Variants in TLR4 observed in about 807,000 individuals in gnomAD.
TLR4 encodes toll-like receptor 4.
In TLR4, 17 loss-of-function variants were observed where a neutral mutation model predicts 27.4. The observed-to-expected ratio is 0.62, with a 90% confidence interval of 0.42 to 0.93. The LOEUF (loss-of-function observed/expected upper bound fraction) is 0.93, where lower values mean the gene tolerates loss of function less well. Among genes scored for constraint, TLR4 ranks in the 40% least tolerant of loss-of-function variants. The pLI is 0.00. For missense variants in TLR4, 926 were observed against 962.3 expected (o/e 0.96, Z 0.50); for synonymous variants, 363 against 365.7 (o/e 0.99, Z 0.08).
rs775051206 is a variant in TLR4 at position 117,714,476 on chromosome 9, T to C, written c.2348T>C (p.Val783Ala). The change falls in exon 3 of 3, where the codon GTG (valine) becomes GCG (alanine). Residue 783 changes from valine to alanine, a missense_variant. By Grantham distance (64) the Val-to-Ala change is moderately conservative. Transcript: ENST00000355622. ...KVEKTLLRQQ[V>A]ELYRLLSRNT... ...GAGAAGACCCTGCTCAGGCAGCAGG[T>C]GGAGCTGTACCGCCTTCTCAGCAGG... is the stretch of plus-strand genomic sequence containing the variant. 14 of 1,613,670 alleles carry C rather than the reference T, an allele frequency of 8.7e-6. 1 individual carries two copies. The highest frequency in any genetic ancestry group is 1.3e-5 in the African/African-American group (1 of 74,896).
chr9:117,705,688 G>T (rs572570623), intron 1 of TLR4, among the ~76,000 whole-genome samples: 2 of 152,224 alleles, frequency 1.3e-5, no homozygotes, highest in South Asian at 4.2e-4. Context: ...CACACTAACT[G>T]CTTTCCTGAT....
chr9:117,704,992 A>G (rs1829112913), intron 1 of TLR4, among the ~76,000 whole-genome samples: 2 of 152,156 alleles, frequency 1.3e-5, no homozygotes, highest in Admixed American at 1.3e-4. Flanking sequence ...GCTCCTTTCA[A>G]TCTCAGGAAA....
In TLR4 at chr9:117,713,335, T is replaced by A; in HGVS notation, c.1207T>A (p.Tyr403Asn). 6.2e-7 allele frequency: 1 copy of A among 1,614,050 alleles called. No individual in the cohort carries two copies. The highest frequency in any genetic ancestry group is 8.5e-7 in the Non-Finnish European group (1 of 1,180,002). ...TGATTTTGGGACAACCAGCCTAAAGTATTTAGATCTGAGCTTCAATGGTGT... is the reference window on the plus strand; with the variant it reads ...TGATTTTGGGACAACCAGCCTAAAGAATTTAGATCTGAGCTTCAATGGTGT... ...QSDFGTTSLK[Y>N]LDLSFNGVIT... Residue 403 changes from tyrosine (Y) to asparagine (N), a missense_variant, in exon 3 of 3, where the codon TAT (tyrosine) becomes AAT (asparagine). Tyr to Asn is a moderately radical substitution (Grantham distance 143). Transcript: ENST00000355622.
Position 117,714,179 on chromosome 9 carries a change from A to C in TLR4, c.2051A>C (p.Asp684Ala), listed in dbSNP as rs1829297821. Residue 684 changes from aspartate (D) to alanine (A), a missense_variant, in exon 3 of 3, where the codon GAT becomes GCT. Physicochemically the swap from Asp to Ala is moderately radical, Grantham distance 126 (BLOSUM62 -2). Coordinates refer to ENST00000355622, the MANE Select transcript of TLR4 (RefSeq NM_138554.5). ...YDAFVIYSSQ[D>A]EDWVRNELVK... Reference sequence around the variant, plus strand: ...GCCTTTGTTATCTACTCAAGCCAGGATGAGGACTGGGTAAGGAATGAGCTA... The same window carrying C: ...GCCTTTGTTATCTACTCAAGCCAGGCTGAGGACTGGGTAAGGAATGAGCTA... 1 of 1,613,748 alleles carries C rather than the reference A, an allele frequency of 6.2e-7. No homozygotes were observed. Among genetic ancestry groups the C allele is most frequent in the African/African-American group, 1.3e-5 (1 of 74,920 alleles).
At position 117,713,939 on chromosome 9, in the gene TLR4, T is replaced by C; in HGVS notation, c.1811T>C (p.Val604Ala). 11 of 1,614,010 alleles carry C rather than the reference T, an allele frequency of 6.8e-6. No individual in the cohort carries two copies. The East Asian group carries it at 8.9e-5, about 13-fold the overall frequency. Residue 604 changes from valine (V) to alanine (A), a missense_variant, in exon 3 of 3, where the codon GTT becomes GCT. Val to Ala is a moderately conservative substitution (Grantham distance 64). Transcript: ENST00000355622. ...GACCAGAGGCAGCTCTTGGTGGAAG[T>C]TGAACGAATGGAATGTGCAACACCT... The part of the protein sequence containing the change: ...IKDQRQLLVE[V>A]ERMECATPSD...
Position 117,713,185 on chromosome 9 carries a change from C to T in TLR4, c.1057C>T (p.Leu353Phe), listed in dbSNP as rs148638298. The T allele has an allele frequency of 1.9e-6, 3 of 1,614,036 alleles. No individual in the cohort carries two copies. The highest frequency in any genetic ancestry group is 1.3e-5 in the African/African-American group (1 of 75,034). The change falls in exon 3 of 3, where the codon CTC becomes TTC. Residue 353 changes from leucine (L) to phenylalanine (F), a missense_variant. Leu to Phe is a conservative substitution (Grantham distance 22). Transcript: ENST00000355622. ...GQFPTLKLKS[L>F]KRLTFTSNKG... is the part of the protein sequence containing the mutation. ...GTTTCCCACATTGAAACTCAAATCT[C>T]TCAAAAGGCTTACTTTCACTTCCAA...
chr9:117,714,361 C>T lies in TLR4; in HGVS notation c.2233C>T (p.Arg745Cys), dbSNP rs199632399. The change falls in exon 3 of 3, where the codon CGC (arginine) becomes TGC (cysteine). Residue 745 changes from arginine (R) to cysteine (C), a missense_variant. Physicochemically the swap from Arg to Cys is radical, Grantham distance 180. Transcript: ENST00000355622. The stretch of plus-strand genomic sequence containing the variant: ...GGTGTCCCAGCACTTCATCCAGAGC[C>T]GCTGGTGTATCTTTGAATATGAGAT... Reference protein sequence around the residue: ...VVVSQHFIQSRWCIFEYEIAQ... With the variant: ...VVVSQHFIQSCWCIFEYEIAQ... The T allele has an allele frequency of 1.0e-5, 16 of 1,602,164 alleles. No homozygotes were observed. Among genetic ancestry groups the T allele is most frequent in the Admixed American group, 8.4e-5 (5 of 59,810 alleles).
rs1829381700 is a variant in TLR4, at chr9:117,718,242, C to T, written c.*3594C>T. On this transcript the variant is annotated 3_prime_UTR_variant, in exon 3 of 3. Transcript: ENST00000355622. ...ACTCAAGGACACTTTCTTTCTTCCA[C>T]ACCCAATTGCTTCATGCTTAAAGTT... 1.3e-5 allele frequency: 2 copies of T among 152,124 alleles called. No homozygotes were observed. 9.4% of individuals were successfully genotyped at this position (152,124 alleles called of 1,614,324 possible).
chr9:117,707,366 C>T (rs1175317861), intron 1 of TLR4, among the ~76,000 whole-genome samples: 2 of 152,158 alleles, frequency 1.3e-5, no homozygotes, highest in African/African-American at 4.8e-5. Flanking sequence ...AAGTATATAA[C>T]AAACAAGAAC....
At position 117,713,604 on chromosome 9, in the gene TLR4, C is replaced by T; in HGVS notation, c.1476C>T (p.Phe492=). 1 of 1,614,100 alleles carries T rather than the reference C, an allele frequency of 6.2e-7. No individual in the cohort carries two copies. The stretch of plus-strand genomic sequence containing the variant: ...AGGAAAACTTCCTTCCAGATATCTT[C>T]ACAGAGCTGAGAAACTTGACCTTCC... The part of the protein sequence containing the change: ...SFQENFLPDI[F]TELRNLTFLD... The change falls in exon 3 of 3, where the codon TTC becomes TTT. Residue 492 remains phenylalanine (F), a synonymous_variant. Coordinates refer to ENST00000355622, the MANE Select transcript of TLR4 (RefSeq NM_138554.5).
rs528691203 is a variant in TLR4 at position 117,708,902 on chromosome 9, G to T, written c.260+173G>T. 46 of 770,036 alleles carry T rather than the reference G, an allele frequency of 6.0e-5. No homozygotes were observed. The East Asian group carries it at 1.1e-3, about 18-fold the overall frequency. 47.7% of individuals were successfully genotyped at this position (770,036 alleles called of 1,614,324 possible). On this transcript the variant is annotated intron_variant, in intron 2 of 2. Coordinates refer to ENST00000355622, the MANE Select transcript of TLR4 (RefSeq NM_138554.5). Reference sequence around the variant, plus strand: ...TGAGCAAGCTACCTCTATTCTCCAGGTCTCAGTTTTCTAATCTGTGAAGTA... The same window carrying T: ...TGAGCAAGCTACCTCTATTCTCCAGTTCTCAGTTTTCTAATCTGTGAAGTA...
At position 117,704,714 on chromosome 9, in the gene TLR4, T is replaced by C. The variant is rs936740431; in HGVS notation, c.93+149T>C. 1.0e-5 allele frequency: 8 copies of C among 773,552 alleles called. No individual in the cohort carries two copies. In the Middle Eastern group the frequency reaches 1.2e-3, roughly 116 times the overall value. The allele number at this position is 773,552 out of a possible 1,614,324, so 47.9% of individuals were successfully genotyped here. A position where few individuals can be genotyped will look rare whatever the true frequency, so the allele number is the denominator to read the frequency against. The stretch of plus-strand genomic sequence containing the variant: ...GAAGCCACAGAGATCAAATAATTCA[T>C]TGTTACAGGGCACTAGAGGCAGCCA... On this transcript the variant is annotated intron_variant, in intron 1 of 2. Transcript: ENST00000355622.
chr9:117,711,341 T>C (rs535293645), intron 2 of TLR4, among the ~76,000 whole-genome samples: 11 of 152,212 alleles, frequency 7.2e-5, no homozygotes, highest in Non-Finnish European at 1.2e-4. Flanking sequence ...TTGTACATTG[T>C]AACTGACAAG....
At chr9:117,708,459 G>C (rs1022153725) in intron 1 of TLR4, 104 bp from the exon 2 acceptor site, 64 of 1,598,384 alleles carry the variant, frequency 4.0e-5, no homozygotes, top group Non-Finnish European at 5.1e-5. Flanking sequence ...ACTGAATTTT[G>C]TGCTTGCACA....
chr9:117,710,336 T>TTGTA (rs1323027079), intron 2 of TLR4, among the ~76,000 whole-genome samples: 1 of 151,898 alleles, frequency 6.6e-6, no homozygotes, highest in Non-Finnish European at 1.5e-5. Flanking sequence ...TTCTGTTCCT[T>TTGTA]TGTTAATTTG....
In TLR4 at chr9:117,712,528, G is replaced by T. The variant is rs370421152; in HGVS notation, c.400G>T (p.Val134Leu). ...GLSSLQKLVAVETNLASLENF... is the reference protein window; with the variant it reads ...GLSSLQKLVALETNLASLENF... ...ATCAAGTTTACAGAAGCTGGTGGCT[G>T]TGGAGACAAATCTAGCATCTCTAGA... Residue 134 changes from valine to leucine, a missense_variant, in exon 3 of 3, where the codon GTG (valine) becomes TTG (leucine). Physicochemically the swap from Val to Leu is conservative, Grantham distance 32. Transcript: ENST00000355622. 1 of 1,613,982 alleles carries T rather than the reference G, an allele frequency of 6.2e-7. No individual in the cohort carries two copies. The highest frequency in any genetic ancestry group is 8.5e-7 in the Non-Finnish European group (1 of 1,179,940).
chr9:117,713,512 G>T lies in TLR4; in HGVS notation c.1384G>T (p.Ala462Ser). 6.2e-7 allele frequency: 1 copy of T among 1,614,090 alleles called. No homozygotes were observed. Among genetic ancestry groups the T allele is most frequent in the East Asian group, 2.2e-5 (1 of 44,874 alleles). The change falls in exon 3 of 3, where the codon GCT (alanine) becomes TCT (serine). Residue 462 changes from alanine (A) to serine (S), a missense_variant. Coordinates refer to ENST00000355622, the MANE Select transcript of TLR4 (RefSeq NM_138554.5). Reference protein sequence around the residue: ...LDISHTHTRVAFNGIFNGLSS... With the variant: ...LDISHTHTRVSFNGIFNGLSS... ...CATTTCTCATACTCACACCAGAGTT[G>T]CTTTCAATGGCATCTTCAATGGCTT...
chr9:117,706,927 G>A (rs972655953), intron 1 of TLR4, among the ~76,000 whole-genome samples: 1 of 152,212 alleles, frequency 6.6e-6, no homozygotes, highest in Non-Finnish European at 1.5e-5. Flanking sequence ...GGCAGGAAAT[G>A]CCTACAATTT....
rs1249417222 is a variant in TLR4, at chr9:117,718,220, C to G, written c.*3572C>G. The stretch of plus-strand genomic sequence containing the variant: ...CCTGAGCCTGGGCCTCCAGGTCACT[C>G]AAGGACACTTTCTTTCTTCCACACC... On this transcript the variant is annotated 3_prime_UTR_variant, in exon 3 of 3. Transcript: ENST00000355622. The G allele has an allele frequency of 6.6e-6, 1 of 152,046 alleles. No individual in the cohort carries two copies. The highest frequency in any genetic ancestry group is 2.4e-5 in the African/African-American group (1 of 41,406). The allele number at this position is 152,046 out of a possible 1,614,324, so 9.4% of individuals were successfully genotyped here. A position where few individuals can be genotyped will look rare whatever the true frequency, so the allele number is the denominator to read the frequency against.
Sources: gnomAD v4.1 joint callset for allele counts (sites outside exome capture counted in the v4.1 genomes callset) on GRCh38, gnomAD v4.1.1 for gene constraint, MANE v1.5 for transcripts, NCBI Gene and HGNC (gene_info 2026-07-23, HGNC 2026-07-21) for gene names.